The following ISOC1 variants were observed in gnomAD, a reference collection of about 807,000 sequenced individuals.
The protein encoded by ISOC1 is isochorismatase domain-containing protein 1.
In ISOC1, 33 loss-of-function variants were observed where a neutral mutation model predicts 30.0. That is an observed-to-expected ratio of 1.10 (90% confidence interval 0.83 to 1.47). ISOC1 has a LOEUF of 1.47. ISOC1 is among the 40% of genes most tolerant of loss of function. The pLI is 0.00. For missense variants in ISOC1, 372 were observed against 388.0 expected (o/e 0.96, Z 0.35); for synonymous variants, 178 against 159.8 (o/e 1.11, Z -0.86).
intron 3 of ISOC1, 73 bp downstream of exon 3, chr5:129,105,461 A>T: frequency 7.9e-7 from 1 of 1,263,406 alleles, no homozygotes; most frequent in Non-Finnish European, 1.1e-6. Flanking sequence ...ATGTAATTTC[A>T]TATATGGTAT....
chr5:129,100,393 G>T lies in ISOC1; in HGVS notation c.310-4563G>T, dbSNP rs1263972766. Among the ~76,000 whole-genome samples, 4 of 152,154 alleles carry T rather than the reference G, an allele frequency of 2.6e-5. No homozygotes were observed. In the East Asian group the frequency reaches 7.7e-4, roughly 29 times the overall value. On this transcript the variant is annotated intron_variant, in intron 1 of 4. Coordinates refer to ENST00000173527, the MANE Select transcript of ISOC1 (RefSeq NM_016048.2). Reference sequence around the variant, plus strand: ...CTTGCTTGAGGAAGCCATTGGCTATGATCAACTTTTTATATTTAAATATAT... The same window carrying T: ...CTTGCTTGAGGAAGCCATTGGCTATTATCAACTTTTTATATTTAAATATAT...
intron 4 of ISOC1, 91 bp downstream of exon 4, chr5:129,107,153 CT>C: frequency 9.4e-7 from 1 of 1,065,452 alleles, no homozygotes; most frequent in Non-Finnish European, 1.4e-6. Flanking sequence ...AAAGGTTTAC[CT>C]CCTAAATTTG....
At chr5:129,108,443 T>G (rs745908712) in intron 4 of ISOC1, among the ~76,000 whole-genome samples, 6 of 152,192 alleles carry the variant, frequency 3.9e-5, no homozygotes, top group Non-Finnish European at 5.9e-5. Context: ...GGCTATTAGA[T>G]TATCTGGTAG....
chr5:129,105,107 C>G (rs1431660106), intron 2 of ISOC1, 32 bp downstream of exon 2: 1 of 1,613,310 alleles, frequency 6.2e-7, no homozygotes, highest in African/African-American at 1.3e-5. Context: ...GTCATATTTG[C>G]TGAATCATCA....
At chr5:129,107,859 T>C (rs575995990) in intron 4 of ISOC1, among the ~76,000 whole-genome samples, 1 of 152,174 alleles carries the variant, frequency 6.6e-6, no homozygotes, top group Non-Finnish European at 1.5e-5. Context: ...CCATGTCCCA[T>C]GGAATCAGGG....
At chr5:129,101,192 A>AAAAAAAAAAATAT (rs1554064627) in intron 1 of ISOC1, among the ~76,000 whole-genome samples, 3 of 42,232 alleles carry the variant, frequency 7.1e-5, no homozygotes, top group Admixed American at 3.3e-4. Context: ...AAAAAAAAAA[A>AAAAAAAAAAATAT]ATATATATAT....
At chr5:129,100,642 A>C (rs1753559378) in intron 1 of ISOC1, among the ~76,000 whole-genome samples, 1 of 152,146 alleles carries the variant, frequency 6.6e-6, no homozygotes, top group African/African-American at 2.4e-5. Context: ...CAACATGTAA[A>C]TGTTTGGCTA....
At chr5:129,096,814 G>A (rs542122576) in intron 1 of ISOC1, among the ~76,000 whole-genome samples, 1 of 152,090 alleles carries the variant, frequency 6.6e-6, no homozygotes, top group Non-Finnish European at 1.5e-5. Flanking sequence ...AGGGAGGCTG[G>A]GCTCTTATCT....
At chr5:129,112,006 C>T (rs2150172701) in intron 4 of ISOC1, among the ~76,000 whole-genome samples, 1 of 152,168 alleles carries the variant, frequency 6.6e-6, no homozygotes, top group African/African-American at 2.4e-5. Flanking sequence ...CCAGTCATTT[C>T]TAGACAAGGG....
chr5:129,107,168 T>G (rs1165493727), intron 4 of ISOC1, 106 bp downstream of exon 4: 1 of 870,320 alleles, frequency 1.1e-6, no homozygotes, highest in African/African-American at 1.7e-5. Flanking sequence ...AAATTTGAGT[T>G]GGTCTGGCAA....
intron 4 of ISOC1, among the ~76,000 whole-genome samples, chr5:129,112,040 C>T (rs1753715474): frequency 6.6e-6 from 1 of 152,110 alleles, no homozygotes; most frequent in Admixed American, 6.6e-5. Context: ...AGGAAGGACT[C>T]ATATGCTATA....
rs369813803 is a variant in ISOC1, at chr5:129,111,329, C to G, written c.751-1526C>G. Among the ~76,000 whole-genome samples the G allele has an allele frequency of 2.0e-5, 3 of 152,026 alleles. No individual in the cohort carries two copies. The East Asian group carries it at 5.8e-4, about 29-fold the overall frequency. ...TGCTGCAAAGTTCTGGTTAGCTGCTCTGCACCCTTTTCTGTACTGGTCATT... is the reference window on the plus strand; with the variant it reads ...TGCTGCAAAGTTCTGGTTAGCTGCTGTGCACCCTTTTCTGTACTGGTCATT... On this transcript the variant is annotated intron_variant, in intron 4 of 4. Coordinates refer to ENST00000173527, the MANE Select transcript of ISOC1 (RefSeq NM_016048.2).
chr5:129,107,330 A>G (rs1580789193), intron 4 of ISOC1, among the ~76,000 whole-genome samples: 1 of 152,132 alleles, frequency 6.6e-6, no homozygotes, highest in Non-Finnish European at 1.5e-5. Context: ...CCCTAGTTTT[A>G]TACGTGAACT....
intron 4 of ISOC1, among the ~76,000 whole-genome samples, chr5:129,107,365 C>T (rs1309079276): frequency 6.6e-6 from 1 of 152,100 alleles, no homozygotes. Flanking sequence ...GAAGCCTAAC[C>T]TAAACTGTTT....
intron 1 of ISOC1, among the ~76,000 whole-genome samples, chr5:129,097,919 G>A (rs999490094): frequency 2.6e-5 from 4 of 152,114 alleles, no homozygotes; most frequent in Non-Finnish European, 4.4e-5. Context: ...GAAGACTCAA[G>A]GTGGCCTATC....
chr5:129,112,897 G>T lies in ISOC1; in HGVS notation c.793G>T (p.Val265Phe). 1 of 1,613,826 alleles carries T rather than the reference G, an allele frequency of 6.2e-7. No homozygotes were observed. The highest frequency in any genetic ancestry group is 8.5e-7 in the Non-Finnish European group (1 of 1,179,802). The change falls in exon 5 of 5, where the codon GTT (valine) becomes TTT (phenylalanine). Residue 265 changes from valine (V) to phenylalanine (F), a missense_variant. Coordinates refer to ENST00000173527, the MANE Select transcript of ISOC1 (RefSeq NM_016048.2). The stretch of plus-strand genomic sequence containing the variant: ...GATCATAGTGACCACGAGTGAGGCT[G>T]TTCTGCTTCAGCTGGTAGCTGATAA... Reference protein sequence around the residue: ...TGIIVTTSEAVLLQLVADKDH... With the variant: ...TGIIVTTSEAFLLQLVADKDH...
chr5:129,106,778 A>G (rs1377873911), intron 3 of ISOC1, among the ~76,000 whole-genome samples, 168 bp from the exon 4 acceptor site: 2 of 152,320 alleles, frequency 1.3e-5, no homozygotes, highest in East Asian at 1.9e-4. Flanking sequence ...AGCCAGAGAT[A>G]CTGTTTTATG....
chr5:129,095,128 C>G, intron 1 of ISOC1, 53 bp downstream of exon 1: 2 of 1,463,078 alleles, frequency 1.4e-6, no homozygotes, highest in Non-Finnish European at 1.8e-6. Flanking sequence ...GTCCCCGTCC[C>G]CGTCCCTGTC....
At chr5:129,105,482 C>T in intron 3 of ISOC1, 94 bp downstream of exon 3, 1 of 1,045,338 alleles carries the variant, frequency 9.6e-7, no homozygotes. Context: ...GCCAGGTAGG[C>T]AGTAATAATG....
Sources: allele counts gnomAD v4.1 joint callset (sites outside exome capture counted in the v4.1 genomes callset), GRCh38; gene constraint gnomAD v4.1.1; transcripts MANE v1.5; gene names NCBI Gene and HGNC (gene_info 2026-07-23, HGNC 2026-07-21).